Variants in LRP1B observed in about 807,000 individuals in gnomAD.
LRP1B encodes the protein low-density lipoprotein receptor-related protein 1B.
A neutral mutation model predicts 556.6 loss-of-function variants in LRP1B; 217 were observed. The ratio of observed to expected loss-of-function variants is 0.39; its 90% confidence interval spans 0.35 to 0.44. The LOEUF is 0.44. Among genes scored for constraint, LRP1B ranks in the 20% least tolerant of loss-of-function variants. The probability of loss-of-function intolerance (pLI) is 1.00; values close to 1 mark genes in which losing one functional copy is unlikely to be tolerated. For synonymous variants in LRP1B, 2,047 were observed against 1,865.8 expected (o/e 1.10, Z -2.50); for missense variants, 5,053 against 5,620.8 (o/e 0.90, Z 3.23).
intron 7 of LRP1B, among the ~76,000 whole-genome samples, chr2:141,081,828 G>T (rs752309660): frequency 2.6e-5 from 4 of 152,034 alleles, no homozygotes; most frequent in Admixed American, 1.3e-4. Flanking sequence ...GCTGAGAAAC[G>T]TCCAACTCTG....
chr2:141,474,452 G>A (rs1247316670), intron 3 of LRP1B, among the ~76,000 whole-genome samples: 1 of 151,958 alleles, frequency 6.6e-6, no homozygotes, highest in Non-Finnish European at 1.5e-5. Flanking sequence ...TTTATGGATA[G>A]AAATATAAAA....
intron 1 of LRP1B, among the ~76,000 whole-genome samples, chr2:142,065,092 G>C (rs529130146): frequency 5.3e-5 from 8 of 151,658 alleles, no homozygotes; most frequent in Non-Finnish European, 8.9e-5. Flanking sequence ...GTCTGTGGTA[G>C]AGTTTCATTA....
chr2:140,837,392 AT>A, intron 31 of LRP1B, among the ~76,000 whole-genome samples: 1 of 152,350 alleles, frequency 6.6e-6, no homozygotes, highest in Middle Eastern at 3.4e-3. Context: ...CTCAATAAAA[AT>A]CTATTTATTG....
intron 66 of LRP1B, among the ~76,000 whole-genome samples, chr2:140,424,662 G>T (rs2105271766): frequency 6.6e-6 from 1 of 152,276 alleles, no homozygotes; most frequent in African/African-American, 2.4e-5. Context: ...CCATATTGAA[G>T]AAGACAATGT....
At chr2:141,087,959 A>G (rs1558851901) in intron 7 of LRP1B, among the ~76,000 whole-genome samples, 1 of 152,190 alleles carries the variant, frequency 6.6e-6, no homozygotes, top group Non-Finnish European at 1.5e-5. Flanking sequence ...AAATTAAGTG[A>G]TTTGTCCAAA....
At chr2:140,345,742 A>C (rs1411508371) in intron 77 of LRP1B, among the ~76,000 whole-genome samples, 1 of 127,186 alleles carries the variant, frequency 7.9e-6, no homozygotes, top group Admixed American at 7.8e-5. Flanking sequence ...ATATATACAT[A>C]TATATACACA....
At chr2:142,013,995 T>G (rs1703037930) in intron 1 of LRP1B, among the ~76,000 whole-genome samples, 2 of 152,186 alleles carry the variant, frequency 1.3e-5, no homozygotes, top group South Asian at 4.1e-4. Context: ...GCCTTAAAGA[T>G]AATAATGTTG....
rs528165136 is a variant in LRP1B, at chr2:141,070,015, C to A, written c.1014-7742G>T. On this transcript the variant is annotated intron_variant, in intron 7 of 90. Coordinates refer to ENST00000389484, the MANE Select transcript of LRP1B (RefSeq NM_018557.3). ...TCCCCTTCCTGTGTCCATGTGTTCG[C>A]ATTGTTCAATTCCCACCTATGAGTG... is the stretch of plus-strand genomic sequence containing the variant. 9.3e-3 allele frequency among the ~76,000 whole-genome samples: 1,348 copies of A among 145,032 alleles called. 11 individuals carry two copies. The highest frequency in any genetic ancestry group is 0.036 in the East Asian group (172 of 4,752).
At chr2:141,454,187 CTAAGT>C (rs1394090376) in intron 3 of LRP1B, among the ~76,000 whole-genome samples, 6 of 152,264 alleles carry the variant, frequency 3.9e-5, no homozygotes, top group Admixed American at 6.5e-5. Flanking sequence ...CAGACTGTCT[CTAAGT>C]TAAGAGACTA....
In LRP1B at chr2:141,685,950, T is replaced by TA. The variant is rs765211762; in HGVS notation, c.205+124328dup. Among the ~76,000 whole-genome samples, 76 of 152,060 alleles carry TA rather than the reference T, an allele frequency of 5.0e-4. 1 individual carries two copies. The highest frequency in any genetic ancestry group is 9.7e-4 in the Non-Finnish European group (66 of 67,998). ...CAGCATTGTAAAACATTCAAGTACATACACTGCATTTATCCAAACAATTTC... is the reference window on the plus strand; with the variant it reads ...CAGCATTGTAAAACATTCAAGTACATAACACTGCATTTATCCAAACAATTTC... On this transcript the variant is annotated intron_variant, in intron 2 of 90. Transcript: ENST00000389484.
At chr2:141,573,107 A>G (rs920984924) in intron 2 of LRP1B, among the ~76,000 whole-genome samples, 2 of 152,200 alleles carry the variant, frequency 1.3e-5, no homozygotes, top group Non-Finnish European at 2.9e-5. Flanking sequence ...CCTAGTAAAC[A>G]TCTACAGAAC....
chr2:140,277,976 ATGTC>A (rs1463203609), intron 84 of LRP1B, among the ~76,000 whole-genome samples: 1 of 151,892 alleles, frequency 6.6e-6, no homozygotes, highest in African/African-American at 2.4e-5. Flanking sequence ...AGAAATCCAA[ATGTC>A]TGTCCCAAGA....
At chr2:140,355,652 T>A (rs925019161) in intron 75 of LRP1B, among the ~76,000 whole-genome samples, 8 of 151,886 alleles carry the variant, frequency 5.3e-5, no homozygotes, top group Admixed American at 2.0e-4. Flanking sequence ...CCAGACTTAG[T>A]TATTTTAGGT....
At position 140,536,399 on chromosome 2, in the gene LRP1B, CAA is replaced by C. The variant is rs1198685249; in HGVS notation, c.7642+180_7642+181del. On this transcript the variant is annotated intron_variant, in intron 46 of 90. Transcript: ENST00000389484. ...ATTATTTAGTGAATATCATGGCTATCAAACAGGAGATAAAGTACCTCATTTTA... is the reference window on the plus strand; with the variant it reads ...ATTATTTAGTGAATATCATGGCTATCACAGGAGATAAAGTACCTCATTTTA... Among the ~76,000 whole-genome samples, 94 of 139,672 alleles carry C rather than the reference CAA, an allele frequency of 6.7e-4. 1 individual carries two copies. Among genetic ancestry groups the C allele is most frequent in the Middle Eastern group, 5.0e-3 (1 of 200 alleles). The allele number at this position is 139,672 out of a possible 152,430, so 91.6% of individuals were successfully genotyped here.
chr2:140,919,891 C>A (rs1694686048), intron 21 of LRP1B, among the ~76,000 whole-genome samples: 1 of 152,028 alleles, frequency 6.6e-6, no homozygotes, highest in Non-Finnish European at 1.5e-5. Context: ...GAATACACAA[C>A]CATTTATTAC....
At chr2:142,085,238 C>A (rs1306569886) in intron 1 of LRP1B, among the ~76,000 whole-genome samples, 2 of 152,168 alleles carry the variant, frequency 1.3e-5, no homozygotes, top group East Asian at 1.9e-4. Flanking sequence ...CAAAGTTTAA[C>A]CTTCTCAGGA....
intron 37 of LRP1B, among the ~76,000 whole-genome samples, chr2:140,713,228 T>C (rs1456979241): frequency 6.6e-6 from 1 of 152,066 alleles, no homozygotes; most frequent in Non-Finnish European, 1.5e-5. Flanking sequence ...AACAGTATCA[T>C]ACAGTTAAGA....
intron 84 of LRP1B, among the ~76,000 whole-genome samples, chr2:140,292,113 C>T (rs945451229): frequency 1.3e-5 from 2 of 152,018 alleles, no homozygotes; most frequent in African/African-American, 2.4e-5. Flanking sequence ...GTCGGAGAAG[C>T]CTAGTTTTCA....
chr2:140,952,892 G>A (rs987003619), intron 18 of LRP1B, among the ~76,000 whole-genome samples: 4 of 152,102 alleles, frequency 2.6e-5, no homozygotes, highest in African/African-American at 9.7e-5. Context: ...TTCACCTAGA[G>A]TTTATTTAAG....
Sources: gnomAD v4.1 joint callset for allele counts (sites outside exome capture counted in the v4.1 genomes callset) on GRCh38, gnomAD v4.1.1 for gene constraint, MANE v1.5 for transcripts, NCBI Gene and HGNC (gene_info 2026-07-23, HGNC 2026-07-21) for gene names.